The following NRG4 variants were observed in gnomAD, a reference collection of about 807,000 sequenced individuals.
NRG4 encodes neuregulin 4, also known as pro-neuregulin-4, membrane-bound isoform.
Under a neutral mutation model 15.0 loss-of-function variants are expected in NRG4, and 10 were observed. The observed-to-expected ratio is 0.67, with a 90% CI of 0.41 to 1.13. The LOEUF (loss-of-function observed/expected upper bound fraction) is 1.13, where lower values mean the gene tolerates loss of function less well. Among genes scored for constraint, NRG4 ranks in the 50% most tolerant of loss-of-function variants. The pLI is 0.00. For synonymous variants in NRG4, 41 were observed against 50.1 expected, an observed-to-expected ratio of 0.82 and a Z score of 0.77; for missense variants, 139 against 140.2, an observed-to-expected ratio of 0.99 and a Z score of 0.04.
chr15:75,981,295 T>C (rs990638241), intron 3 of NRG4, among the ~76,000 whole-genome samples: 1 of 152,214 alleles, frequency 6.6e-6, no homozygotes, highest in East Asian at 1.9e-4. Flanking sequence ...CTACTTTAAA[T>C]GTTTCAGATC....
chr15:75,960,888 T>C (rs1446617271), intron 4 of NRG4, among the ~76,000 whole-genome samples: 2 of 152,200 alleles, frequency 1.3e-5, no homozygotes, highest in African/African-American at 4.8e-5. Context: ...ATCTACTGGA[T>C]TGCTTAAATG....
intron 3 of NRG4, among the ~76,000 whole-genome samples, chr15:75,988,853 C>CTTTTTTTTTTTT (rs71444946): frequency 9.1e-6 from 1 of 109,652 alleles, no homozygotes; most frequent in Non-Finnish European, 1.9e-5. Context: ...CTGCACCTTC[C>CTTTTTTTTTTTT]TTTTTTTTTT....
chr15:76,014,117 G>A (rs9745164), upstream of NRG4, among the ~76,000 whole-genome samples: 5,650 of 152,022 alleles, frequency 0.037, 182 homozygotes, highest in African/African-American at 0.086. Flanking sequence ...TTTTTCATAC[G>A]TTTGTTGGCC....
intron 3 of NRG4, among the ~76,000 whole-genome samples, chr15:76,003,180 A>G (rs956873732): frequency 5.9e-5 from 9 of 152,164 alleles, no homozygotes; most frequent in Admixed American, 4.6e-4. Context: ...AAATCCACAA[A>G]TGCTGAAAAT....
At chr15:76,045,127 C>T (rs2035839302) in intron 4 of NRG4, among the ~76,000 whole-genome samples, 1 of 150,858 alleles carries the variant, frequency 6.6e-6, no homozygotes, top group African/African-American at 2.5e-5. Context: ...TTAAAATGGA[C>T]AGAAGATCTG....
chr15:75,979,353 T>C (rs549458023), intron 3 of NRG4, among the ~76,000 whole-genome samples: 1 of 152,332 alleles, frequency 6.6e-6, no homozygotes, highest in East Asian at 1.9e-4. Flanking sequence ...ACTGTTCTTT[T>C]CTTATCTCCA....
intron 3 of NRG4, among the ~76,000 whole-genome samples, chr15:76,052,385 A>G (rs1386567932): frequency 6.6e-6 from 1 of 151,134 alleles, no homozygotes; most frequent in Non-Finnish European, 1.5e-5. Flanking sequence ...AAGTCCCAGA[A>G]AAACTACTGT....
intron 5 of NRG4, among the ~76,000 whole-genome samples, chr15:76,021,877 G>A (rs1019550801): frequency 1.3e-5 from 2 of 152,144 alleles, no homozygotes; most frequent in South Asian, 2.1e-4. Flanking sequence ...ACCAGGGACC[G>A]GTTTCATGGA....
intron 4 of NRG4, among the ~76,000 whole-genome samples, chr15:76,050,388 T>C (rs1332596970): frequency 6.7e-6 from 1 of 149,572 alleles, no homozygotes; most frequent in Non-Finnish European, 1.5e-5. Flanking sequence ...ATCCTCAGTA[T>C]GACAGCATCT....
intron 5 of NRG4, among the ~76,000 whole-genome samples, chr15:76,019,453 C>T (rs2035084514): frequency 6.6e-6 from 1 of 152,178 alleles, no homozygotes; most frequent in African/African-American, 2.4e-5. Context: ...CAAACAGCTA[C>T]TCAGTTTTGT....
chr15:76,041,408 A>C (rs113239687), intron 4 of NRG4, among the ~76,000 whole-genome samples: 1,697 of 152,188 alleles, frequency 0.011, 43 homozygotes, highest in African/African-American at 0.038. Flanking sequence ...AAAAAAACCC[A>C]CAAGACCCAA....
intron 1 of NRG4, among the ~76,000 whole-genome samples, chr15:76,058,327 C>T (rs1463958093): frequency 2.0e-5 from 3 of 152,198 alleles, no homozygotes; most frequent in African/African-American, 7.2e-5. Flanking sequence ...AGTATCATCT[C>T]CAAGTGTTTC....
chr15:75,969,190 A>C (rs1250828048), intron 3 of NRG4: 2 of 456,200 alleles, frequency 4.4e-6, no homozygotes, highest in East Asian at 1.4e-4. Context: ...CCCAACTTGG[A>C]ATAAGACAAA....
At chr15:76,029,128 G>A (rs2035401338) in intron 5 of NRG4, among the ~76,000 whole-genome samples, 1 of 152,120 alleles carries the variant, frequency 6.6e-6, no homozygotes. Flanking sequence ...TGTCAGGAAT[G>A]CAAGTATGGT....
At chr15:76,025,073 G>T (rs1596037967) in intron 5 of NRG4, among the ~76,000 whole-genome samples, 2 of 152,234 alleles carry the variant, frequency 1.3e-5, no homozygotes, top group Middle Eastern at 6.8e-3. Context: ...CAATCATAAG[G>T]AACTATATGA....
intron 5 of NRG4, chr15:76,035,819 A>G (rs1266125409): frequency 2.0e-5 from 3 of 152,196 alleles, no homozygotes; most frequent in African/African-American, 4.8e-5. Flanking sequence ...GGTGGAGGCT[A>G]TTTAGAAGTT....
rs916831422 is a variant in NRG4, at chr15:75,961,813, T to G, written c.251+15A>C. On this transcript the variant is annotated intron_variant, in intron 4 of 5. Coordinates refer to ENST00000394907, the MANE Select transcript of NRG4 (RefSeq NM_138573.4). Reference sequence around the variant, plus strand: ...TGTATTACTTTTCTCAAAAGCATGTTTCTATTTTACTTACCTGCAAAGGAA... The same window carrying G: ...TGTATTACTTTTCTCAAAAGCATGTGTCTATTTTACTTACCTGCAAAGGAA... The G allele has an allele frequency of 6.3e-7, 1 of 1,593,652 alleles. No individual in the cohort carries two copies.
intron 5 of NRG4, among the ~76,000 whole-genome samples, chr15:75,949,287 T>G (rs1351458845): frequency 6.6e-6 from 1 of 151,828 alleles, no homozygotes. Context: ...GGCACATGTG[T>G]GTAGTCCCAG....
chr15:76,053,002 AC>A (rs1033158871), intron 2 of NRG4: 4 of 151,346 alleles, frequency 2.6e-5, no homozygotes, highest in Non-Finnish European at 2.9e-5. Context: ...AAGTAAAAAG[AC>A]AAATTTTCTC....
Sources: gnomAD v4.1 joint callset for allele counts (sites outside exome capture counted in the v4.1 genomes callset) on GRCh38, gnomAD v4.1.1 for gene constraint, MANE v1.5 for transcripts, NCBI Gene and HGNC (gene_info 2026-07-23, HGNC 2026-07-21) for gene names.